NFIX: variants seen among roughly 807,000 people sequenced by gnomAD.
NFIX encodes nuclear factor 1 X-type.
NFIX carries 2 observed loss-of-function variants against 53.3 expected under a neutral mutation model. That is an observed-to-expected ratio of 0.04 (90% CI 0.02 to 0.12). The LOEUF is 0.12. Ranked by LOEUF, NFIX falls within the 10% of genes least tolerant of loss-of-function variation. The probability of loss-of-function intolerance (pLI) is 1.00; values close to 1 mark genes in which losing one functional copy is unlikely to be tolerated. For synonymous variants in NFIX, 244 were observed against 289.0 expected (o/e 0.84, Z 1.58); for missense variants, 310 against 674.5 (o/e 0.46, Z 5.99).
At chr19:13,056,641 G>A (rs781605578) in intron 2 of NFIX, among the ~76,000 whole-genome samples, 7 of 152,158 alleles carry the variant, frequency 4.6e-5, no homozygotes, top group Non-Finnish European at 1.0e-4. Flanking sequence ...GCCTACACCC[G>A]AGGCCAGGGA....
Position 13,018,173 on chromosome 19 carries a change from C to A in NFIX, c.28-6848C>A, listed in dbSNP as rs551147208. On this transcript the variant is annotated intron_variant, in intron 1 of 10. Coordinates refer to ENST00000592199, the MANE Select transcript of NFIX (RefSeq NM_001365902.3). Reference sequence around the variant, plus strand: ...AGTTGCCTTAGAGAGAATAGATTGTCTCCCCTAATATCCCCATTCCTACCC... The same window carrying A: ...AGTTGCCTTAGAGAGAATAGATTGTATCCCCTAATATCCCCATTCCTACCC... Among the ~76,000 whole-genome samples, 4 of 152,244 alleles carry A rather than the reference C, an allele frequency of 2.6e-5. No individual in the cohort carries two copies. The East Asian group carries it at 7.7e-4, about 29-fold the overall frequency.
At chr19:13,018,247 G>T (rs952461466) in intron 1 of NFIX, among the ~76,000 whole-genome samples, 10 of 150,578 alleles carry the variant, frequency 6.6e-5, no homozygotes, top group Non-Finnish European at 1.3e-4. Flanking sequence ...TGGAGCAGAG[G>T]AGCATTTGGA....
In NFIX at chr19:13,036,025, G is replaced by A. The variant is rs1189476694; in HGVS notation, c.559+10473G>A. 1.3e-5 allele frequency among the ~76,000 whole-genome samples: 2 copies of A among 152,218 alleles called. No individual in the cohort carries two copies. Among genetic ancestry groups the A allele is most frequent in the East Asian group, 1.9e-4 (1 of 5,192 alleles). On this transcript the variant is annotated intron_variant, in intron 2 of 10. Coordinates refer to ENST00000592199, the MANE Select transcript of NFIX (RefSeq NM_001365902.3). The surrounding 1 kb of genome is among the most constrained non-coding windows in gnomAD (Gnocchi z 4.7). ...GAGTGGTTAGGATCCCACTCTGGGG[G>A]ATTCCTGCTGGTGGTATAACCCCGA... is the stretch of plus-strand genomic sequence containing the variant.
chr19:13,057,649 G>A (rs1042206396), intron 2 of NFIX, among the ~76,000 whole-genome samples: 1 of 152,296 alleles, frequency 6.6e-6, no homozygotes, highest in Admixed American at 6.5e-5. Flanking sequence ...AGAGTCCTGT[G>A]GGTCAGGATA....
rs2016498164 is a variant in NFIX, at chr19:13,067,496, GTGTGTGTGTA to G, written c.560-5541_560-5532del. On this transcript the variant is annotated intron_variant, in intron 2 of 10. Coordinates refer to ENST00000592199, the MANE Select transcript of NFIX (RefSeq NM_001365902.3). This position sits in a 1 kb window ranked among gnomAD's most constrained non-coding sequence, Gnocchi z 4.2. ...TGTGTGTGTGTGCGTGTGTGTGTGT[GTGTGTGTGTA>G]TGTGTGTGTCTGAGTCTGAGCATAT... 7.9e-5 allele frequency among the ~76,000 whole-genome samples: 12 copies of G among 151,840 alleles called. No individual in the cohort carries two copies. The highest frequency in any genetic ancestry group is 1.3e-4 in the Admixed American group (2 of 15,240).
chr19:13,037,432 C>CG lies in NFIX; in HGVS notation c.559+11881dup, dbSNP rs1363879862. Among the ~76,000 whole-genome samples the CG allele has an allele frequency of 6.6e-6, 1 of 152,258 alleles. No homozygotes were observed. The highest frequency in any genetic ancestry group is 1.5e-5 in the Non-Finnish European group (1 of 68,020). ...TCAGAGAGCCTCGTGGAAGTAATGG[C>CG]GCTGAGAGATGGCGCCTGGGGAAGA... On this transcript the variant is annotated intron_variant, in intron 2 of 10. Transcript: ENST00000592199. The surrounding 1 kb of genome is among the most constrained non-coding windows in gnomAD (Gnocchi z 4.2).
chr19:13,024,732 G>C (rs2013181578), intron 1 of NFIX: 1 of 1,533,630 alleles, frequency 6.5e-7, no homozygotes, highest in Non-Finnish European at 8.7e-7. Flanking sequence ...GAGTGAGTGA[G>C]GGAGAGAGAG....
rs932869716 is a variant in NFIX at position 13,040,936 on chromosome 19, T to C, written c.559+15384T>C. ...CTCTAGATAGCTCCTTCCTCCTCTC[T>C]CACCTGGTCCTAAACCTCTTTCCTC... On this transcript the variant is annotated intron_variant, in intron 2 of 10. Transcript: ENST00000592199. This position sits in a 1 kb window ranked among gnomAD's most constrained non-coding sequence, Gnocchi z 4.2. Among the ~76,000 whole-genome samples, 2 of 152,208 alleles carry C rather than the reference T, an allele frequency of 1.3e-5. No individual in the cohort carries two copies. Among genetic ancestry groups the C allele is most frequent in the Non-Finnish European group, 2.9e-5 (2 of 68,036 alleles).
At position 13,071,556 on chromosome 19, in the gene NFIX, T is replaced by C. The variant is rs572803809; in HGVS notation, c.560-1491T>C. 2.6e-5 allele frequency among the ~76,000 whole-genome samples: 4 copies of C among 152,340 alleles called. No homozygotes were observed. In the East Asian group the frequency reaches 5.8e-4, roughly 22 times the overall value. ...AGGATACACCCCAAACCAGAGGTGG[T>C]GAAGTATATCCTTCCATATTAAAAG... On this transcript the variant is annotated intron_variant, in intron 2 of 10. Coordinates refer to ENST00000592199, the MANE Select transcript of NFIX (RefSeq NM_001365902.3).
intron 2 of NFIX, chr19:13,069,971 C>T (rs2016674458): frequency 1.3e-5 from 2 of 152,320 alleles, no homozygotes; most frequent in Admixed American, 1.3e-4. Flanking sequence ...GAAGCCCAGA[C>T]AGGGAAGGCA....
chr19:13,008,921 C>T (rs557932947), intron 1 of NFIX, among the ~76,000 whole-genome samples: 22 of 152,318 alleles, frequency 1.4e-4, no homozygotes, highest in African/African-American at 4.6e-4. Context: ...AAGAGGAAAC[C>T]GGAGTGAGTT....
In NFIX at chr19:13,088,279, GC is replaced by G; in HGVS notation, c.1402+149del. ...GCACCATGGACAAGAGCAGAGCCGA[GC>G]CCCCCAACCACAGCCTCCCTCCCGG... On this transcript the variant is annotated intron_variant, in intron 9 of 10. Coordinates refer to ENST00000592199, the MANE Select transcript of NFIX (RefSeq NM_001365902.3). The surrounding 1 kb of genome is among the most constrained non-coding windows in gnomAD (Gnocchi z 5.9). The G allele has an allele frequency of 9.5e-7, 1 of 1,054,560 alleles. No individual in the cohort carries two copies. The highest frequency in any genetic ancestry group is 2.6e-5 in the East Asian group (1 of 37,966). The allele number at this position is 1,054,560 out of a possible 1,614,324, so 65.3% of individuals were successfully genotyped here.
chr19:13,010,270 T>C (rs2012263736), intron 1 of NFIX, among the ~76,000 whole-genome samples: 1 of 152,072 alleles, frequency 6.6e-6, no homozygotes, highest in Non-Finnish European at 1.5e-5. Flanking sequence ...ACGGCGGCCC[T>C]CGCGCACGTG....
intron 2 of NFIX, among the ~76,000 whole-genome samples, chr19:13,064,470 T>C (rs1343242117): frequency 6.6e-6 from 1 of 152,194 alleles, no homozygotes; most frequent in East Asian, 1.9e-4. Context: ...CCCCCACCCC[T>C]GTTTCTAGTA....
chr19:13,090,691 T>C lies in NFIX; in HGVS notation c.1494+301T>C, dbSNP rs1222371967. Among the ~76,000 whole-genome samples the C allele has an allele frequency of 6.6e-6, 1 of 152,196 alleles. No homozygotes were observed. The highest frequency in any genetic ancestry group is 2.4e-5 in the African/African-American group (1 of 41,438). On this transcript the variant is annotated intron_variant, in intron 10 of 10. Coordinates refer to ENST00000592199, the MANE Select transcript of NFIX (RefSeq NM_001365902.3). This position sits in a 1 kb window ranked among gnomAD's most constrained non-coding sequence, Gnocchi z 6.6. ...GGGCCAGGCCTGGTAGAAGCAAAGA[T>C]GGAAGCCTGAGGCCCATCGGGAGGA...
At chr19:13,032,719 G>GT (rs1454942990) in intron 2 of NFIX, among the ~76,000 whole-genome samples, 3 of 152,156 alleles carry the variant, frequency 2.0e-5, no homozygotes, top group African/African-American at 7.2e-5. Flanking sequence ...CCCACAGCTT[G>GT]TTTTGGACTT....
chr19:13,069,928 G>GCCT (rs2016671819), intron 2 of NFIX: 1 of 152,288 alleles, frequency 6.6e-6, no homozygotes, highest in African/African-American at 2.4e-5. Context: ...CCTCCTTTCT[G>GCCT]TCCCAAATCC....
At position 13,073,387 on chromosome 19, in the gene NFIX, C is replaced by G. The variant is rs75564762; in HGVS notation, c.623-35C>G. The stretch of plus-strand genomic sequence containing the variant: ...AATAGCCAGGCAGCCCCCTTCTGGC[C>G]TTGTCTTGACTCACTCATCCTTTCC... On this transcript the variant is annotated intron_variant, in intron 3 of 10. Coordinates refer to ENST00000592199, the MANE Select transcript of NFIX (RefSeq NM_001365902.3). This position sits in a 1 kb window ranked among gnomAD's most constrained non-coding sequence, Gnocchi z 4.5. 1,859 of 1,577,032 alleles carry G rather than the reference C, an allele frequency of 1.2e-3. 33 individuals carry two copies. In the East Asian group the frequency reaches 0.036, roughly 30 times the overall value.
chr19:13,002,200 T>C lies in NFIX; in HGVS notation c.27+6336T>C, dbSNP rs2011744802. Among the ~76,000 whole-genome samples the C allele has an allele frequency of 6.9e-6, 1 of 144,336 alleles. No individual in the cohort carries two copies. The highest frequency in any genetic ancestry group is 1.5e-5 in the Non-Finnish European group (1 of 65,752). The allele number at this position is 144,336 out of a possible 152,430, so 94.7% of individuals were successfully genotyped here. On this transcript the variant is annotated intron_variant, in intron 1 of 10. Transcript: ENST00000592199. The surrounding 1 kb of genome is among the most constrained non-coding windows in gnomAD (Gnocchi z 6.1). ...AGGTCCCCCCTTCTTTCCCCCTTTC[T>C]CTCTCTCTCTTTCCTCCCTCTCTCC...
Sources: gnomAD v4.1 joint callset for allele counts (sites outside exome capture counted in the v4.1 genomes callset) on GRCh38, gnomAD v4.1.1 for gene constraint, Gnocchi (gnomAD v3.1) non-coding constraint, MANE v1.5 for transcripts, NCBI Gene and HGNC (gene_info 2026-07-23, HGNC 2026-07-21) for gene names.